Variants in EFL1 observed in about 807,000 individuals in gnomAD.
EFL1 encodes elongation factor like GTPase 1.
Under a neutral mutation model 126.7 loss-of-function variants are expected in EFL1, and 76 were observed. The observed-to-expected ratio is 0.60, with a 90% confidence interval of 0.50 to 0.73. EFL1 has a LOEUF of 0.73. EFL1 is among the 30% of genes least tolerant of loss of function. The pLI is 0.00. For missense variants in EFL1, 1,128 were observed against 1,343.2 expected (o/e 0.84, Z 2.50); for synonymous variants, 410 against 448.4 (o/e 0.91, Z 1.08).
chr15:82,238,261 C>T (rs2074894308), intron 7 of EFL1, 46 bp downstream of exon 7: 1 of 1,583,024 alleles, frequency 6.3e-7, no homozygotes, highest in Non-Finnish European at 8.6e-7. Flanking sequence ...CAATCAACTG[C>T]ATATAAAATC....
intron 18 of EFL1, among the ~76,000 whole-genome samples, chr15:82,141,175 T>G (rs1178852245): frequency 6.6e-6 from 1 of 152,176 alleles, no homozygotes; most frequent in Non-Finnish European, 1.5e-5. Flanking sequence ...ACATCCCTCT[T>G]GGTATTTGGT....
chr15:82,217,207 C>T (rs2074656461), intron 14 of EFL1, among the ~76,000 whole-genome samples: 1 of 151,662 alleles, frequency 6.6e-6, no homozygotes, highest in Admixed American at 6.6e-5. Flanking sequence ...TTAAACACTC[C>T]TATTGGGAGT....
At chr15:82,214,426 T>C (rs2074621895) in intron 15 of EFL1, among the ~76,000 whole-genome samples, 2 of 152,340 alleles carry the variant, frequency 1.3e-5, no homozygotes, top group South Asian at 4.1e-4. Flanking sequence ...ATTGACTTTA[T>C]GTGAACAGGA....
At chr15:82,214,643 T>C in intron 15 of EFL1, 74 bp downstream of exon 15, 1 of 1,429,638 alleles carries the variant, frequency 7.0e-7, no homozygotes, top group Non-Finnish European at 9.5e-7. Flanking sequence ...TTCAAAAATT[T>C]CACTAAATTT....
At position 82,134,595 on chromosome 15, in the gene EFL1, C is replaced by T. The variant is rs923745588; in HGVS notation, c.3175-4034G>A. On this transcript the variant is annotated intron_variant, in intron 19 of 19. Coordinates refer to ENST00000268206, the MANE Select transcript of EFL1 (RefSeq NM_024580.6). Reference sequence around the variant, plus strand: ...CAGTTTTCACGATGATTACTGCTGGCAGGTGGAAAATACCATGTCCAAAAT... The same window carrying T: ...CAGTTTTCACGATGATTACTGCTGGTAGGTGGAAAATACCATGTCCAAAAT... Among the ~76,000 whole-genome samples the T allele has an allele frequency of 3.9e-5, 6 of 152,178 alleles. No individual in the cohort carries two copies. In the East Asian group the frequency reaches 1.2e-3, roughly 29 times the overall value.
chr15:82,184,421 G>T (rs938114076), intron 15 of EFL1, among the ~76,000 whole-genome samples: 1 of 152,172 alleles, frequency 6.6e-6, no homozygotes, highest in Non-Finnish European at 1.5e-5. Flanking sequence ...CTGCAATCAG[G>T]TTGACCTGTG....
intron 7 of EFL1, among the ~76,000 whole-genome samples, chr15:82,236,447 G>C (rs1311728582): frequency 4.6e-5 from 7 of 152,224 alleles, no homozygotes; most frequent in African/African-American, 1.7e-4. Flanking sequence ...TCAAAATTAT[G>C]TGGTACTGTT....
chr15:82,185,563 A>G (rs1226974470), intron 15 of EFL1, among the ~76,000 whole-genome samples: 1 of 152,184 alleles, frequency 6.6e-6, no homozygotes, highest in Non-Finnish European at 1.5e-5. Flanking sequence ...AAAATGGAAG[A>G]GAATTATCAG....
At chr15:82,239,230 G>A (rs547934230) in intron 6 of EFL1, among the ~76,000 whole-genome samples, 5 of 152,192 alleles carry the variant, frequency 3.3e-5, no homozygotes, top group Admixed American at 6.5e-5. Context: ...TCTGCCTCCC[G>A]GGTTCACACC....
chr15:82,160,140 T>C (rs1245761553), intron 16 of EFL1: 1 of 152,288 alleles, frequency 6.6e-6, no homozygotes, highest in Non-Finnish European at 1.5e-5. Context: ...CCAAGGCTAG[T>C]TCACAAAAGG....
intron 15 of EFL1, among the ~76,000 whole-genome samples, chr15:82,209,378 G>GAC (rs2074561252): frequency 6.7e-6 from 1 of 149,124 alleles, no homozygotes; most frequent in African/African-American, 2.5e-5. Flanking sequence ...ACTTCCTATT[G>GAC]ACCCAGCAAC....
At chr15:82,204,495 G>A (rs771412282) in intron 15 of EFL1, among the ~76,000 whole-genome samples, 95 of 152,124 alleles carry the variant, frequency 6.2e-4, no homozygotes, top group Middle Eastern at 3.4e-3. Flanking sequence ...CTTCTTCAAA[G>A]CCCTTTTGAC....
rs556609870 is a variant in EFL1, at chr15:82,229,349, T to TG, written c.856-240dup. ...ACTTTACAAGTGATATGACCATTTGTGGGTCATATTACCATGGCTGCCATC... is the reference window on the plus strand; with the variant it reads ...ACTTTACAAGTGATATGACCATTTGTGGGGTCATATTACCATGGCTGCCATC... On this transcript the variant is annotated intron_variant, in intron 8 of 19. Transcript: ENST00000268206. 4.4e-3 allele frequency among the ~76,000 whole-genome samples: 675 copies of TG among 152,340 alleles called. 2 individuals are homozygous for TG. The highest frequency in any genetic ancestry group is 8.1e-3 in the Non-Finnish European group (550 of 68,034).
chr15:82,185,472 A>T (rs182866840), intron 15 of EFL1, among the ~76,000 whole-genome samples: 1,989 of 152,300 alleles, frequency 0.013, 14 homozygotes, highest in Middle Eastern at 0.031. Flanking sequence ...TCAGAAAAAA[A>T]TTTTAAAAAA....
At chr15:82,202,001 T>C (rs1296785272) in intron 15 of EFL1, among the ~76,000 whole-genome samples, 4 of 151,822 alleles carry the variant, frequency 2.6e-5, no homozygotes, top group African/African-American at 7.3e-5. Context: ...AACATCAATG[T>C]TGACAATTCA....
chr15:82,257,679 C>T (rs2141344383), intron 3 of EFL1, among the ~76,000 whole-genome samples: 1 of 152,156 alleles, frequency 6.6e-6, no homozygotes, highest in Middle Eastern at 3.4e-3. Context: ...CCTATTATAT[C>T]TATCTTGTAT....
chr15:82,215,377 T>C (rs1455079839), intron 14 of EFL1, among the ~76,000 whole-genome samples: 1 of 152,164 alleles, frequency 6.6e-6, no homozygotes, highest in African/African-American at 2.4e-5. Context: ...CTAACTGCTA[T>C]TATATGCTAT....
chr15:82,190,159 G>T (rs2074344250), intron 15 of EFL1, among the ~76,000 whole-genome samples: 1 of 150,470 alleles, frequency 6.6e-6, no homozygotes, highest in South Asian at 2.1e-4. Flanking sequence ...AGTTCTATCA[G>T]AATTTCTTTA....
intron 15 of EFL1, among the ~76,000 whole-genome samples, chr15:82,179,692 T>C (rs1171614818): frequency 6.6e-6 from 1 of 151,738 alleles, no homozygotes; most frequent in Non-Finnish European, 1.5e-5. Flanking sequence ...CCTCCCTCCC[T>C]CCACTGAAAG....
Sources: gnomAD v4.1 joint callset for allele counts (sites outside exome capture counted in the v4.1 genomes callset) on GRCh38, gnomAD v4.1.1 for gene constraint, MANE v1.5 for transcripts, NCBI Gene and HGNC (gene_info 2026-07-23, HGNC 2026-07-21) for gene names.